CECR2: variants seen among roughly 807,000 people sequenced by gnomAD.
CECR2 encodes chromatin remodeling regulator CECR2.
In CECR2, 30 loss-of-function variants were observed where a neutral mutation model predicts 154.5. The ratio of observed to expected loss-of-function variants is 0.19; its 90% CI spans 0.15 to 0.26. CECR2 has a LOEUF of 0.26. Ranked by LOEUF, CECR2 falls within the 10% of genes least tolerant of loss-of-function variation. The pLI, the probability that CECR2 is intolerant of heterozygous loss-of-function variation, is 1.00. For synonymous variants in CECR2, 725 were observed against 683.7 expected (o/e 1.06, Z -0.94); for missense variants, 1,743 against 1,829.3 (o/e 0.95, Z 0.86).
rs145150194 is a variant in CECR2, at chr22:17,402,069, C to T, written c.126+32160C>T. Among the ~76,000 whole-genome samples, 232 of 152,256 alleles carry T rather than the reference C, an allele frequency of 1.5e-3. 1 individual carries two copies. The highest frequency in any genetic ancestry group is 5.3e-3 in the African/African-American group (221 of 41,548). On this transcript the variant is annotated intron_variant, in intron 1 of 18. Coordinates refer to ENST00000262608, the MANE Select transcript of CECR2 (RefSeq NM_001290047.2). ...CGCAGTCTCAGCTCACTGCAAGCTC[C>T]GCCTCCCAGATTCAAGTGATTCTCT...
At chr22:17,473,255 A>G (rs981345610) in intron 1 of CECR2, among the ~76,000 whole-genome samples, 1 of 152,160 alleles carries the variant, frequency 6.6e-6, no homozygotes, top group African/African-American at 2.4e-5. Flanking sequence ...CTTCTGTCCC[A>G]GAGCATCTTG....
intron 1 of CECR2, among the ~76,000 whole-genome samples, chr22:17,451,840 G>A (rs1192589193): frequency 1.3e-5 from 2 of 152,164 alleles, no homozygotes; most frequent in East Asian, 1.9e-4. Flanking sequence ...GCATTCCATA[G>A]CTATTTTTTA....
At chr22:17,470,029 C>T (rs189619603) in intron 1 of CECR2, among the ~76,000 whole-genome samples, 78 of 152,328 alleles carry the variant, frequency 5.1e-4, no homozygotes, top group African/African-American at 1.8e-3. Context: ...CCACAGCTGC[C>T]TTTCTGCTCG....
Position 17,497,574 on chromosome 22 carries a change from C to G in CECR2, c.393C>G (p.Phe131Leu). ...ACCGGCTGGATGCAGACGATGTCTT[C>G]GATCTTCTAAAGGTATGCTTAACTG... is the stretch of plus-strand genomic sequence containing the variant. ...CDYRLDADDV[F>L]DLLKGLDADS... The change falls in exon 3 of 19, where the codon TTC (phenylalanine) becomes TTG (leucine). Residue 131 changes from phenylalanine to leucine, a missense_variant. By Grantham distance (22) the Phe-to-Leu change is conservative (BLOSUM62 0). Around this residue, in one of 4 missense-constraint regions of CECR2, gnomAD observed 98 missense variants for 169.3 expected, o/e 0.58. Coordinates refer to ENST00000262608, the MANE Select transcript of CECR2 (RefSeq NM_001290047.2). The G allele has an allele frequency of 6.2e-7, 1 of 1,613,884 alleles. No individual in the cohort carries two copies.
At chr22:17,433,494 G>A (rs1329619135) in intron 1 of CECR2, among the ~76,000 whole-genome samples, 5 of 152,102 alleles carry the variant, frequency 3.3e-5, no homozygotes, top group Non-Finnish European at 7.4e-5. Context: ...TGCCCAGGCT[G>A]GAGTACAGTG....
At chr22:17,360,545 T>G (rs2062971544) in intron 1 of CECR2, among the ~76,000 whole-genome samples, 1 of 152,038 alleles carries the variant, frequency 6.6e-6, no homozygotes, top group South Asian at 2.1e-4. Flanking sequence ...TAGCCAAGCA[T>G]GGTGGCTCGT....
Position 17,548,633 on chromosome 22 carries a change from T to G in CECR2, c.3346T>G (p.Phe1116Val), listed in dbSNP as rs376045788. 1.9e-6 allele frequency: 3 copies of G among 1,612,928 alleles called. No homozygotes were observed. Among genetic ancestry groups the G allele is most frequent in the Non-Finnish European group, 2.5e-6 (3 of 1,179,586 alleles). Reference protein sequence around the residue: ...PGLTGGTVSQFPPLYMPGLEY... With the variant: ...PGLTGGTVSQVPPLYMPGLEY... ...TTTGACGGGAGGCACTGTGAGCCAG[T>G]TTCCCCCGCTGTATATGCCTGGCCT... Residue 1116 changes from phenylalanine (F) to valine (V), a missense_variant, in exon 17 of 19, where the codon TTT becomes GTT. Coordinates refer to ENST00000262608, the MANE Select transcript of CECR2 (RefSeq NM_001290047.2).
At chr22:17,402,192 C>T (rs980760566) in intron 1 of CECR2, among the ~76,000 whole-genome samples, 3 of 152,122 alleles carry the variant, frequency 2.0e-5, no homozygotes, top group African/African-American at 7.2e-5. Context: ...ACCATGTTGC[C>T]CAGGCTGGTT....
At chr22:17,383,337 A>C (rs1044869940) in intron 1 of CECR2, among the ~76,000 whole-genome samples, 1 of 152,244 alleles carries the variant, frequency 6.6e-6, no homozygotes, top group Non-Finnish European at 1.5e-5. Flanking sequence ...TCTCCATAGC[A>C]TGCCATGCCA....
chr22:17,449,912 C>T (rs1739425051), intron 1 of CECR2, among the ~76,000 whole-genome samples: 1 of 152,244 alleles, frequency 6.6e-6, no homozygotes, highest in Non-Finnish European at 1.5e-5. Context: ...CCACAGGGCA[C>T]TGAGTGATGC....
chr22:17,461,293 C>T (rs1057135741), intron 1 of CECR2, among the ~76,000 whole-genome samples: 2 of 152,232 alleles, frequency 1.3e-5, no homozygotes, highest in African/African-American at 4.8e-5. Context: ...CCACCAGTCT[C>T]CTAAAACAAT....
chr22:17,538,291 C>A lies in CECR2; in HGVS notation c.1239-229C>A, dbSNP rs562002995. On this transcript the variant is annotated intron_variant, in intron 10 of 18. Coordinates refer to ENST00000262608, the MANE Select transcript of CECR2 (RefSeq NM_001290047.2). Reference sequence around the variant, plus strand: ...CCATAAAGTTCTGGATCATCCAGGCCAACCCCACATTTTATAGATGAGGAA... The same window carrying A: ...CCATAAAGTTCTGGATCATCCAGGCAAACCCCACATTTTATAGATGAGGAA... Among the ~76,000 whole-genome samples the A allele has an allele frequency of 2.0e-5, 3 of 152,300 alleles. No individual in the cohort carries two copies. In the East Asian group the frequency reaches 5.8e-4, roughly 29 times the overall value.
chr22:17,458,836 C>CT (rs1214232829), intron 1 of CECR2, among the ~76,000 whole-genome samples: 1 of 152,200 alleles, frequency 6.6e-6, no homozygotes, highest in East Asian at 1.9e-4. Context: ...GTTTGTATTA[C>CT]TCTGTGTGTC....
At chr22:17,494,121 C>T (rs764575299) in intron 2 of CECR2, among the ~76,000 whole-genome samples, 7 of 151,980 alleles carry the variant, frequency 4.6e-5, no homozygotes, top group Admixed American at 3.9e-4. Flanking sequence ...TTTTTGGAGA[C>T]GGCGTTTCTT....
chr22:17,371,060 T>G (rs1287971274), intron 1 of CECR2, among the ~76,000 whole-genome samples: 1 of 152,172 alleles, frequency 6.6e-6, no homozygotes, highest in Non-Finnish European at 1.5e-5. Flanking sequence ...CCACGGATCT[T>G]ACTTTGTGCC....
At chr22:17,373,563 GC>G (rs2063084813) in intron 1 of CECR2, among the ~76,000 whole-genome samples, 1 of 152,160 alleles carries the variant, frequency 6.6e-6, no homozygotes, top group East Asian at 1.9e-4. Flanking sequence ...AAATATGCCC[GC>G]AGTGTAATTG....
intron 1 of CECR2, among the ~76,000 whole-genome samples, chr22:17,402,033 G>C (rs1369973270): frequency 6.6e-6 from 1 of 152,164 alleles, no homozygotes; most frequent in Non-Finnish European, 1.5e-5. Context: ...GCCCAGGCTA[G>C]AGTGCAGTAG....
intron 2 of CECR2, among the ~76,000 whole-genome samples, chr22:17,481,672 G>C (rs867880773): frequency 6.6e-6 from 1 of 152,154 alleles, no homozygotes; most frequent in Non-Finnish European, 1.5e-5. Flanking sequence ...CCTCATGTAC[G>C]ACAGTGGTCA....
At chr22:17,448,422 A>G (rs1371969676) in intron 1 of CECR2, among the ~76,000 whole-genome samples, 1 of 152,236 alleles carries the variant, frequency 6.6e-6, no homozygotes, top group Non-Finnish European at 1.5e-5. Context: ...AAGTAATGTA[A>G]TGGAAGATAA....
Sources: gnomAD v4.1 joint callset for allele counts (sites outside exome capture counted in the v4.1 genomes callset) on GRCh38, gnomAD v4.1.1 for gene constraint, gnomAD v4.1.1 regional missense constraint, MANE v1.5 for transcripts, NCBI Gene and HGNC (gene_info 2026-07-23, HGNC 2026-07-21) for gene names.